The following LRRTM4 variants were observed in gnomAD, a reference collection of about 807,000 sequenced individuals.
LRRTM4 encodes the protein leucine rich repeat transmembrane neuronal 4.
A neutral mutation model predicts 47.6 loss-of-function variants in LRRTM4; 25 were observed. The ratio of observed to expected loss-of-function variants is 0.53; its 90% CI spans 0.38 to 0.73. The LOEUF is 0.73. Among genes scored for constraint, LRRTM4 ranks in the 30% least tolerant of loss-of-function variants. LRRTM4 has a pLI of 0.00. For missense variants in LRRTM4, 638 were observed against 713.4 expected (o/e 0.89, Z 1.20); for synonymous variants, 311 against 269.5 (o/e 1.15, Z -1.51).
chr2:77,085,171 T>C (rs1680667927), intron 3 of LRRTM4, among the ~76,000 whole-genome samples: 1 of 152,070 alleles, frequency 6.6e-6, no homozygotes, highest in Non-Finnish European at 1.5e-5. Context: ...AGAAATATTT[T>C]AGGCTACTAT....
At chr2:76,851,143 T>A (rs1671981241) in intron 3 of LRRTM4, among the ~76,000 whole-genome samples, 1 of 152,180 alleles carries the variant, frequency 6.6e-6, no homozygotes, top group South Asian at 2.1e-4. Context: ...TGCTTGGGCT[T>A]GCAGGTGCAG....
intron 3 of LRRTM4, among the ~76,000 whole-genome samples, chr2:77,064,112 T>A (rs1013748322): frequency 2.6e-5 from 4 of 152,178 alleles, no homozygotes; most frequent in African/African-American, 9.7e-5. Context: ...GGAAACATAA[T>A]TTAAAAGAAA....
At chr2:77,521,368 C>T (rs1679488656) in intron 2 of LRRTM4, among the ~76,000 whole-genome samples, 2 of 151,884 alleles carry the variant, frequency 1.3e-5, no homozygotes, top group South Asian at 2.1e-4. Context: ...GAAGCAAACA[C>T]AGTATTTATC....
At chr2:77,471,145 A>T (rs1218951719) in intron 3 of LRRTM4, among the ~76,000 whole-genome samples, 1 of 152,002 alleles carries the variant, frequency 6.6e-6, no homozygotes, top group African/African-American at 2.4e-5. Flanking sequence ...GCATCTAAAA[A>T]CTTGACATAC....
chr2:77,463,501 C>T (rs1676867667), intron 3 of LRRTM4, among the ~76,000 whole-genome samples: 1 of 152,006 alleles, frequency 6.6e-6, no homozygotes, highest in Non-Finnish European at 1.5e-5. Context: ...ACTCACATTG[C>T]AACACAACTC....
intron 2 of LRRTM4, among the ~76,000 whole-genome samples, chr2:77,521,209 T>C (rs1203730759): frequency 6.6e-6 from 1 of 151,870 alleles, no homozygotes; most frequent in Non-Finnish European, 1.5e-5. Flanking sequence ...TCGGAAGCTG[T>C]GTTCAGGATC....
intron 3 of LRRTM4, among the ~76,000 whole-genome samples, chr2:76,869,410 C>T (rs755702976): frequency 2.6e-5 from 4 of 152,078 alleles, no homozygotes; most frequent in African/African-American, 9.7e-5. Flanking sequence ...GGAATAGTCA[C>T]CAGTTTTGTA....
At chr2:77,463,125 T>A (rs932305499) in intron 3 of LRRTM4, among the ~76,000 whole-genome samples, 1 of 152,076 alleles carries the variant, frequency 6.6e-6, no homozygotes, top group East Asian at 1.9e-4. Context: ...CTAGATAATA[T>A]AACCTACTAC....
chr2:77,227,308 G>A (rs543295904), intron 3 of LRRTM4, among the ~76,000 whole-genome samples: 1 of 152,066 alleles, frequency 6.6e-6, no homozygotes, highest in Admixed American at 6.6e-5. Flanking sequence ...ACTGCCAATG[G>A]GTTTTGCTGA....
At chr2:77,072,546 C>A (rs1184306982) in intron 3 of LRRTM4, among the ~76,000 whole-genome samples, 1 of 151,924 alleles carries the variant, frequency 6.6e-6, no homozygotes, top group Non-Finnish European at 1.5e-5. Context: ...GCCTGTAATC[C>A]CAGCACTTAG....
At chr2:77,261,941 G>T (rs1675929284) in intron 3 of LRRTM4, among the ~76,000 whole-genome samples, 1 of 151,976 alleles carries the variant, frequency 6.6e-6, no homozygotes, top group Non-Finnish European at 1.5e-5. Flanking sequence ...ACAGGTGATT[G>T]AGCAAAGCTT....
chr2:77,425,751 A>G (rs1479901017), intron 3 of LRRTM4, among the ~76,000 whole-genome samples: 2 of 152,156 alleles, frequency 1.3e-5, no homozygotes, highest in South Asian at 2.1e-4. Flanking sequence ...GTCTATATCC[A>G]GCTCTCCTTT....
chr2:76,893,958 TATCAC>T (rs1455893303), intron 3 of LRRTM4, among the ~76,000 whole-genome samples: 1 of 151,906 alleles, frequency 6.6e-6, no homozygotes, highest in Non-Finnish European at 1.5e-5. Context: ...TAAGCAGATA[TATCAC>T]ATGAGGATAA....
chr2:76,753,091 A>C (rs886822541), intron 3 of LRRTM4, among the ~76,000 whole-genome samples: 1 of 152,194 alleles, frequency 6.6e-6, no homozygotes, highest in African/African-American at 2.4e-5. Flanking sequence ...GCACTTTAAC[A>C]TAAATCACAT....
chr2:77,180,334 G>T lies in LRRTM4; in HGVS notation c.1551+337984C>A, dbSNP rs190245788. ...AACTAAATCTTATGACATCCCTGCT[G>T]GTCTGTCTAATATTTCTCTCTCCCC... On this transcript the variant is annotated intron_variant, in intron 3 of 3. Transcript: ENST00000409884. Among the ~76,000 whole-genome samples, 5 of 152,066 alleles carry T rather than the reference G, an allele frequency of 3.3e-5. No homozygotes were observed. In the East Asian group the frequency reaches 5.8e-4, roughly 18 times the overall value.
chr2:77,077,586 T>C (rs143632202), intron 3 of LRRTM4, among the ~76,000 whole-genome samples: 189 of 152,238 alleles, frequency 1.2e-3, no homozygotes, highest in African/African-American at 4.4e-3. Flanking sequence ...TTACTCATAT[T>C]CTCCAAGTAT....
chr2:77,291,899 T>C (rs1676833725), intron 3 of LRRTM4, among the ~76,000 whole-genome samples: 1 of 151,420 alleles, frequency 6.6e-6, no homozygotes, highest in Admixed American at 6.6e-5. Context: ...ACCATCAGAG[T>C]GAACAGGCAA....
chr2:76,748,195 A>G lies in LRRTM4; in HGVS notation c.*500T>C, dbSNP rs1471149420. 1 of 153,378 alleles carries G rather than the reference A, an allele frequency of 6.5e-6. No individual in the cohort carries two copies. The highest frequency in any genetic ancestry group is 2.4e-5 in the African/African-American group (1 of 41,452). The allele number at this position is 153,378 out of a possible 1,614,324, so 9.5% of individuals were successfully genotyped here. A position where few individuals can be genotyped will look rare whatever the true frequency, so the allele number is the denominator to read the frequency against. On this transcript the variant is annotated 3_prime_UTR_variant, in exon 4 of 4. Coordinates refer to ENST00000409884, the MANE Select transcript of LRRTM4 (RefSeq NM_001134745.3). ...AGAAAAAAATTAAAACAAACAAAACAAGAACAAACAGCATTTTTAAAGAAA... is the reference window on the plus strand; with the variant it reads ...AGAAAAAAATTAAAACAAACAAAACGAGAACAAACAGCATTTTTAAAGAAA...
intron 3 of LRRTM4, among the ~76,000 whole-genome samples, chr2:76,910,967 CAGA>C (rs1310905431): frequency 3.9e-5 from 6 of 152,186 alleles, no homozygotes; most frequent in Non-Finnish European, 8.8e-5. Context: ...TGTCTTTACT[CAGA>C]AGATGTGGAT....
Sources: allele counts gnomAD v4.1 joint callset (sites outside exome capture counted in the v4.1 genomes callset), GRCh38; gene constraint gnomAD v4.1.1; transcripts MANE v1.5; gene names NCBI Gene and HGNC (gene_info 2026-07-23, HGNC 2026-07-21).